The following AKAP9 variants were observed in gnomAD, a reference collection of about 807,000 sequenced individuals.
The protein encoded by AKAP9 is A-kinase anchor protein 9.
A neutral mutation model predicts 488.5 loss-of-function variants in AKAP9; 311 were observed. The observed-to-expected ratio is 0.64, with a 90% CI of 0.58 to 0.70. The LOEUF is 0.70. AKAP9 is among the 30% of genes least tolerant of loss of function. AKAP9 has a pLI of 0.00. For synonymous variants in AKAP9, 1,462 were observed against 1,483.5 expected (o/e 0.99, Z 0.33); for missense variants, 4,215 against 4,374.5 (o/e 0.96, Z 1.03).
At chr7:91,992,301 T>G (rs1797850704) in intron 4 of AKAP9, 90 bp downstream of exon 4, 1 of 912,854 alleles carries the variant, frequency 1.1e-6, no homozygotes, top group Non-Finnish European at 1.8e-6. Context: ...TGCATGTACT[T>G]CTTTCTGTGT....
rs772799546 is a variant in AKAP9, at chr7:92,022,340, T to G, written c.3940T>G (p.Leu1314Val). Residue 1314 changes from leucine (L) to valine (V), a missense_variant, in exon 13 of 50, where the codon TTG becomes GTG. Physicochemically the swap from Leu to Val is conservative, Grantham distance 32. This residue lies in a region of AKAP9 where 2,361 missense variants were observed against 2,430.0 expected (regional missense o/e 0.97). Coordinates refer to ENST00000356239, the MANE Select transcript of AKAP9 (RefSeq NM_005751.5). ...ATCAATCCATTCTCAGATGACCAATTTGGAAGACATTGGTAAATTTTGATC... is the reference window on the plus strand; with the variant it reads ...ATCAATCCATTCTCAGATGACCAATGTGGAAGACATTGGTAAATTTTGATC... Reference protein sequence around the residue: ...FLSIHSQMTNLEDIDVNHKSK... With the variant: ...FLSIHSQMTNVEDIDVNHKSK... 1 of 1,596,876 alleles carries G rather than the reference T, an allele frequency of 6.3e-7. No homozygotes were observed. The highest frequency in any genetic ancestry group is 1.1e-5 in the South Asian group (1 of 90,700).
intron 26 of AKAP9, among the ~76,000 whole-genome samples, chr7:92,068,570 T>A (rs1010800853): frequency 6.6e-6 from 1 of 152,030 alleles, no homozygotes; most frequent in African/African-American, 2.4e-5. Context: ...CATGAAACTT[T>A]AAGAAACTAA....
chr7:91,980,154 A>G, intron 2 of AKAP9, 135 bp from the exon 3 acceptor site: 1 of 498,782 alleles, frequency 2.0e-6, no homozygotes, highest in Non-Finnish European at 3.6e-6. Context: ...TAAAGATTTG[A>G]GTAATTTTTA....
chr7:92,014,253 T>C lies in AKAP9; in HGVS notation c.3537T>C (p.Asp1179=), dbSNP rs1165070595. The C allele has an allele frequency of 3.7e-6, 6 of 1,608,558 alleles. No homozygotes were observed. The highest frequency in any genetic ancestry group is 5.1e-6 in the Non-Finnish European group (6 of 1,175,146). ...LQTMKTQETG[D]EGKPLHLLIG... ...ATCCATTATCTGTTCTATTAGGTGA[T>C]GAAGGAAAGCCTTTACATCTGCTCA... The change falls in exon 10 of 50, where the codon GAT becomes GAC. Residue 1179 remains aspartate, a synonymous_variant. Transcript: ENST00000356239.
rs537946975 is a variant in AKAP9, at chr7:91,983,029, G to A, written c.351+2696G>A. 1.2e-4 allele frequency among the ~76,000 whole-genome samples: 18 copies of A among 151,664 alleles called. No homozygotes were observed. In the East Asian group the frequency reaches 3.3e-3, roughly 28 times the overall value. On this transcript the variant is annotated intron_variant, in intron 3 of 49. Transcript: ENST00000356239. ...ATATCCTTTGCCTGTTTTTTGATGG[G>A]GTTGTTTGCTTTTTTTTTCTTTCTT...
chr7:92,000,315 T>G (rs912062336), intron 7 of AKAP9, among the ~76,000 whole-genome samples: 2 of 152,214 alleles, frequency 1.3e-5, no homozygotes, highest in Non-Finnish European at 2.9e-5. Context: ...CTGACTGACT[T>G]AAGAGCCCAG....
At chr7:92,056,069 G>T (rs1048702979) in intron 22 of AKAP9, among the ~76,000 whole-genome samples, 5 of 121,466 alleles carry the variant, frequency 4.1e-5, no homozygotes, top group Non-Finnish European at 7.0e-5. Flanking sequence ...TTCTGAACAT[G>T]AATTAATATT....
intron 2 of AKAP9, among the ~76,000 whole-genome samples, chr7:91,975,609 G>A (rs915744649): frequency 1.2e-4 from 18 of 151,936 alleles, no homozygotes; most frequent in African/African-American, 4.4e-4. Context: ...TTCCAATGTC[G>A]ATGTTCTTTT....
intron 49 of AKAP9, among the ~76,000 whole-genome samples, chr7:92,109,364 A>G (rs1488743418): frequency 6.6e-6 from 1 of 152,200 alleles, no homozygotes; most frequent in East Asian, 1.9e-4. Flanking sequence ...CTCTTCCTTC[A>G]AGAAATCATT....
intron 3 of AKAP9, among the ~76,000 whole-genome samples, chr7:91,987,865 A>G (rs1487511277): frequency 1.3e-5 from 2 of 152,136 alleles, no homozygotes; most frequent in African/African-American, 4.8e-5. Context: ...TCTCTCAATA[A>G]CACACCTAAA....
At chr7:92,034,566 A>G (rs554492253) in intron 16 of AKAP9, among the ~76,000 whole-genome samples, 168 of 145,550 alleles carry the variant, frequency 1.2e-3, no homozygotes, top group African/African-American at 3.8e-3. Flanking sequence ...CAGTGGCACA[A>G]TCTCAGCTCA....
At chr7:92,004,771 A>C (rs1799601615) in intron 8 of AKAP9, among the ~76,000 whole-genome samples, 1 of 152,196 alleles carries the variant, frequency 6.6e-6, no homozygotes. Context: ...AAACAGGGAC[A>C]ATTTGACTTC....
rs1205924276 is a variant in AKAP9, at chr7:92,022,391, A to C, written c.3952+39A>C. The stretch of plus-strand genomic sequence containing the variant: ...ATATACCACAATGTGGTGTTTTTAT[A>C]GCAAATATTGAGTAATTTGCTTTTT... On this transcript the variant is annotated intron_variant, in intron 13 of 49. Coordinates refer to ENST00000356239, the MANE Select transcript of AKAP9 (RefSeq NM_005751.5). 9 of 1,397,602 alleles carry C rather than the reference A, an allele frequency of 6.4e-6. No individual in the cohort carries two copies. The Middle Eastern group carries it at 5.8e-4, about 89-fold the overall frequency. 86.6% of individuals were successfully genotyped at this position (1,397,602 alleles called of 1,614,324 possible).
At chr7:92,075,815 C>G (rs1314537673) in intron 28 of AKAP9, among the ~76,000 whole-genome samples, 1 of 152,198 alleles carries the variant, frequency 6.6e-6, no homozygotes, top group African/African-American at 2.4e-5. Flanking sequence ...ACTAAGCTAA[C>G]TGGTTTTTAA....
chr7:92,104,896 C>G (rs975483083), intron 46 of AKAP9, among the ~76,000 whole-genome samples: 10 of 152,092 alleles, frequency 6.6e-5, no homozygotes, highest in African/African-American at 2.4e-4. Flanking sequence ...CTAATATGCA[C>G]AGAACTTAGA....
chr7:92,045,830 C>CTTTTTTTTT (rs35346628), intron 21 of AKAP9, among the ~76,000 whole-genome samples: 6 of 108,914 alleles, frequency 5.5e-5, no homozygotes, highest in Non-Finnish European at 7.5e-5. Flanking sequence ...CTTTCCGTTT[C>CTTTTTTTTT]TTTTTTTTTT....
chr7:91,963,053 A>G (rs1054111443), intron 1 of AKAP9, among the ~76,000 whole-genome samples: 6 of 152,192 alleles, frequency 3.9e-5, no homozygotes, highest in Non-Finnish European at 7.4e-5. Flanking sequence ...CAAAAATGCT[A>G]TTAATTTCTT....
chr7:92,062,348 C>G lies in AKAP9; in HGVS notation c.5839C>G (p.Arg1947Gly). 2 of 1,613,772 alleles carry G rather than the reference C, an allele frequency of 1.2e-6. No individual in the cohort carries two copies. The highest frequency in any genetic ancestry group is 1.7e-6 in the Non-Finnish European group (2 of 1,179,790). The change falls in exon 24 of 50, where the codon CGT (arginine) becomes GGT (glycine). Residue 1947 changes from arginine to glycine, a missense_variant. This residue lies in a region of AKAP9 where 2,361 missense variants were observed against 2,430.0 expected (regional missense o/e 0.97). Coordinates refer to ENST00000356239, the MANE Select transcript of AKAP9 (RefSeq NM_005751.5). ...TCAGGAAAAAACTGATATAATAGAT[C>G]GTCTTGAGCAGGAGTTGTTATGTGC... ...QIQEKTDIID[R>G]LEQELLCASN...
intron 13 of AKAP9, 124 bp from the exon 14 acceptor site, chr7:92,022,690 G>A: frequency 1.4e-6 from 1 of 690,608 alleles, no homozygotes. Context: ...TGAAACCAGA[G>A]TTATTACCAC....
Sources: gnomAD v4.1 joint callset for allele counts (sites outside exome capture counted in the v4.1 genomes callset) on GRCh38, gnomAD v4.1.1 for gene constraint, gnomAD v4.1.1 regional missense constraint, MANE v1.5 for transcripts, NCBI Gene and HGNC (gene_info 2026-07-23, HGNC 2026-07-21) for gene names.